Variants in SNTG1 observed in about 807,000 individuals in gnomAD.
The protein encoded by SNTG1 is syntrophin gamma 1.
In SNTG1, 39 loss-of-function variants were observed where a neutral mutation model predicts 74.7. The observed-to-expected ratio is 0.52, with a 90% CI of 0.40 to 0.68. The LOEUF is 0.68. Ranked by LOEUF, SNTG1 falls within the 30% of genes least tolerant of loss-of-function variation. The pLI is 0.00. For synonymous variants in SNTG1, 254 were observed against 217.1 expected, an observed-to-expected ratio of 1.17 and a Z score of -1.49; for missense variants, 685 against 609.5, an observed-to-expected ratio of 1.12 and a Z score of -1.30.
At chr8:50,647,158 A>T (rs2131209030) in intron 13 of SNTG1, among the ~76,000 whole-genome samples, 1 of 152,294 alleles carries the variant, frequency 6.6e-6, no homozygotes, top group East Asian at 1.9e-4. Context: ...TATGGTGATG[A>T]CTTCTCAGAT....
At chr8:50,647,177 A>G (rs1235261774) in intron 13 of SNTG1, among the ~76,000 whole-genome samples, 1 of 152,184 alleles carries the variant, frequency 6.6e-6, no homozygotes, top group Non-Finnish European at 1.5e-5. Flanking sequence ...ATACAACACA[A>G]AAACCATAAT....
chr8:50,527,148 G>A (rs903793797), intron 9 of SNTG1, among the ~76,000 whole-genome samples: 2 of 151,902 alleles, frequency 1.3e-5, no homozygotes, highest in African/African-American at 4.8e-5. Context: ...TCTTCTTTTG[G>A]AAAGCTTCTG....
chr8:50,313,007 A>G (rs754956275), intron 2 of SNTG1, among the ~76,000 whole-genome samples: 7 of 149,670 alleles, frequency 4.7e-5, no homozygotes, highest in Non-Finnish European at 1.0e-4. Context: ...CAGATTCAAT[A>G]CAATCCCCAT....
intron 4 of SNTG1, among the ~76,000 whole-genome samples, chr8:50,407,849 T>C (rs1341435492): frequency 6.6e-6 from 1 of 152,186 alleles, no homozygotes; most frequent in African/African-American, 2.4e-5. Context: ...TACTGACTGG[T>C]TGGATCAGGG....
intron 4 of SNTG1, among the ~76,000 whole-genome samples, chr8:50,417,834 A>G (rs1466376546): frequency 6.6e-6 from 1 of 151,950 alleles, no homozygotes; most frequent in Non-Finnish European, 1.5e-5. Flanking sequence ...TTCCATTACC[A>G]CAGATGATCT....
intron 1 of SNTG1, among the ~76,000 whole-genome samples, chr8:49,982,028 G>C (rs754028279): frequency 5.3e-5 from 8 of 152,008 alleles, no homozygotes; most frequent in South Asian, 4.1e-4. Flanking sequence ...GAAAACAATA[G>C]CTTTAAAAAT....
chr8:50,654,238 C>T (rs1244742142), intron 13 of SNTG1, among the ~76,000 whole-genome samples: 1 of 152,036 alleles, frequency 6.6e-6, no homozygotes, highest in African/African-American at 2.4e-5. Context: ...CTCAGTGTAA[C>T]ACCTTTTTCT....
intron 8 of SNTG1, among the ~76,000 whole-genome samples, chr8:50,502,501 G>T (rs2093969286): frequency 6.6e-6 from 1 of 152,104 alleles, no homozygotes; most frequent in African/African-American, 2.4e-5. Context: ...TCCTCATATT[G>T]CCTAATATAG....
chr8:50,001,743 TA>T (rs1279538148), intron 1 of SNTG1, among the ~76,000 whole-genome samples: 2 of 152,210 alleles, frequency 1.3e-5, no homozygotes, highest in African/African-American at 4.8e-5. Flanking sequence ...AGCACTCTGC[TA>T]AAGTGTGCCA....
At chr8:50,717,262 A>AT (rs545811760) in intron 17 of SNTG1, among the ~76,000 whole-genome samples, 1 of 151,716 alleles carries the variant, frequency 6.6e-6, no homozygotes, top group South Asian at 2.1e-4. Flanking sequence ...GATATATTTT[A>AT]TTTTTTTCTG....
intron 15 of SNTG1, among the ~76,000 whole-genome samples, chr8:50,691,361 T>C (rs935549997): frequency 1.3e-5 from 2 of 152,238 alleles, no homozygotes; most frequent in African/African-American, 4.8e-5. Context: ...CTTTACAATT[T>C]GGCATATTTT....
intron 11 of SNTG1, among the ~76,000 whole-genome samples, chr8:50,543,478 A>G (rs1273385856): frequency 6.6e-6 from 1 of 151,814 alleles, no homozygotes; most frequent in Non-Finnish European, 1.5e-5. Context: ...GTTTCCTCCC[A>G]CAGGATAATT....
At chr8:50,542,354 A>C (rs2094354664) in intron 11 of SNTG1, among the ~76,000 whole-genome samples, 1 of 151,714 alleles carries the variant, frequency 6.6e-6, no homozygotes, top group Non-Finnish European at 1.5e-5. Flanking sequence ...ATGGGGTTTC[A>C]TCATGTTGGC....
At chr8:50,031,644 A>G (rs1817746828) in intron 1 of SNTG1, among the ~76,000 whole-genome samples, 1 of 152,074 alleles carries the variant, frequency 6.6e-6, no homozygotes, top group Non-Finnish European at 1.5e-5. Context: ...TTGTTTTCAA[A>G]TGTTAAACTA....
chr8:50,378,848 G>A (rs1006526624), intron 2 of SNTG1, among the ~76,000 whole-genome samples: 1 of 152,056 alleles, frequency 6.6e-6, no homozygotes, highest in African/African-American at 2.4e-5. Context: ...ACGGGCCTCA[G>A]AGGGGAGAAA....
At chr8:50,554,431 G>C (rs1450063330) in intron 12 of SNTG1, among the ~76,000 whole-genome samples, 2 of 150,706 alleles carry the variant, frequency 1.3e-5, no homozygotes, top group Non-Finnish European at 2.9e-5. Context: ...ATTTTTGGTT[G>C]ATACATGTGG....
At chr8:50,738,450 G>A (rs1382280889) in intron 17 of SNTG1, among the ~76,000 whole-genome samples, 3 of 152,064 alleles carry the variant, frequency 2.0e-5, no homozygotes, top group East Asian at 1.9e-4. Context: ...TCATGAATAG[G>A]AAGAATCAAT....
chr8:50,065,562 T>A (rs1384927155), intron 1 of SNTG1, among the ~76,000 whole-genome samples: 1 of 152,204 alleles, frequency 6.6e-6, no homozygotes, highest in Non-Finnish European at 1.5e-5. Context: ...ATTTTGCTTT[T>A]ATTGCATCTT....
At chr8:50,106,454 A>C (rs897172711) in intron 1 of SNTG1, among the ~76,000 whole-genome samples, 1 of 152,146 alleles carries the variant, frequency 6.6e-6, no homozygotes, top group Admixed American at 6.6e-5. Context: ...TATGTTGAAT[A>C]GGAATAGTGA....
Sources: allele counts gnomAD v4.1 joint callset (sites outside exome capture counted in the v4.1 genomes callset), GRCh38; gene constraint gnomAD v4.1.1; transcripts MANE v1.5; gene names NCBI Gene and HGNC (gene_info 2026-07-23, HGNC 2026-07-21).